EHD4: variants seen among roughly 807,000 people sequenced by gnomAD.
EHD4 encodes the protein EH domain-containing protein 4.
In EHD4, 37 loss-of-function variants were observed where a neutral mutation model predicts 51.0. The observed-to-expected ratio is 0.73, with a 90% CI of 0.56 to 0.95. EHD4 has a LOEUF of 0.95. Ranked by LOEUF, EHD4 falls within the 40% of genes least tolerant of loss-of-function variation. The probability of loss-of-function intolerance (pLI) is 0.00; values close to 1 mark genes in which losing one functional copy is unlikely to be tolerated. For synonymous variants in EHD4, 297 were observed against 317.3 expected (o/e 0.94, Z 0.68); for missense variants, 632 against 733.1 (o/e 0.86, Z 1.59).
At chr15:41,913,102 C>T (rs768125877) in intron 4 of EHD4, among the ~76,000 whole-genome samples, 5 of 152,168 alleles carry the variant, frequency 3.3e-5, no homozygotes, top group African/African-American at 9.7e-5. Flanking sequence ...ACATCAAACA[C>T]GGACACAATG....
intron 2 of EHD4, among the ~76,000 whole-genome samples, chr15:41,945,683 C>T (rs753121109): frequency 6.6e-5 from 10 of 152,350 alleles, no homozygotes; most frequent in Admixed American, 1.3e-4. Context: ...GTGACAACTG[C>T]ATATGAATGC....
At chr15:41,930,510 T>G (rs765964187) in intron 3 of EHD4, among the ~76,000 whole-genome samples, 11 of 152,214 alleles carry the variant, frequency 7.2e-5, no homozygotes, top group Non-Finnish European at 1.6e-4. Context: ...TTCTTCAGGC[T>G]ACAGTTTTCT....
intron 1 of EHD4, among the ~76,000 whole-genome samples, chr15:41,956,267 G>C (rs143524677): frequency 2.6e-5 from 4 of 152,182 alleles, no homozygotes; most frequent in African/African-American, 9.6e-5. Flanking sequence ...CTCCACCTTG[G>C]GTGGCTCGCG....
At chr15:41,917,213 T>C (rs1417428705) in intron 4 of EHD4, among the ~76,000 whole-genome samples, 4 of 152,016 alleles carry the variant, frequency 2.6e-5, no homozygotes, top group Non-Finnish European at 4.4e-5. Context: ...CTCCACCTCC[T>C]GGGTTCAAGC....
intron 2 of EHD4, among the ~76,000 whole-genome samples, chr15:41,947,443 G>C (rs766474047): frequency 6.6e-6 from 1 of 152,164 alleles, no homozygotes; most frequent in African/African-American, 2.4e-5. Flanking sequence ...CGGACTTCCA[G>C]GTTTGCCATT....
intron 1 of EHD4, among the ~76,000 whole-genome samples, chr15:41,956,637 C>CT (rs2067890233): frequency 1.3e-5 from 2 of 152,306 alleles, no homozygotes; most frequent in South Asian, 4.2e-4. Context: ...CTGGACAGAC[C>CT]TTTAACAATA....
intron 3 of EHD4, among the ~76,000 whole-genome samples, chr15:41,934,482 T>C (rs2067719138): frequency 1.3e-5 from 2 of 151,994 alleles, no homozygotes; most frequent in East Asian, 1.9e-4. Context: ...ACCCAACTAA[T>C]TTATTTTATT....
Position 41,930,250 on chromosome 15 carries a change from C to A in EHD4, c.512-10628G>T, listed in dbSNP as rs545089818. On this transcript the variant is annotated intron_variant, in intron 3 of 5. Transcript: ENST00000220325. ...GAACAGATCCAGGAATCCCGTGTCA[C>A]GCACATGGAAATTGTCCATTCCTCA... 2.0e-5 allele frequency among the ~76,000 whole-genome samples: 3 copies of A among 152,304 alleles called. No homozygotes were observed. In the East Asian group the frequency reaches 5.8e-4, roughly 29 times the overall value.
rs1010803265 is a variant in EHD4 at position 41,972,243 on chromosome 15, G to C, written c.236+16C>G. ...GCGGAGCGGGGCGGGAGCCGGGCGA[G>C]GGGCGGTGACGGTACCTGATGAAGG... is the stretch of plus-strand genomic sequence containing the variant. On this transcript the variant is annotated intron_variant, in intron 1 of 5. Transcript: ENST00000220325. 2.6e-6 allele frequency: 4 copies of C among 1,530,136 alleles called. No homozygotes were observed. The highest frequency in any genetic ancestry group is 1.4e-5 in the African/African-American group (1 of 70,034). 94.8% of individuals were successfully genotyped at this position (1,530,136 alleles called of 1,614,324 possible). A position where few individuals can be genotyped will look rare whatever the true frequency, so the allele number is the denominator to read the frequency against.
chr15:41,937,605 T>C (rs1335395386), intron 3 of EHD4, among the ~76,000 whole-genome samples: 2 of 152,210 alleles, frequency 1.3e-5, no homozygotes, highest in Non-Finnish European at 2.9e-5. Context: ...ATGTGTGTGT[T>C]TTCCTCTCAA....
intron 3 of EHD4, among the ~76,000 whole-genome samples, chr15:41,927,534 C>T (rs929848376): frequency 2.0e-5 from 3 of 152,164 alleles, no homozygotes; most frequent in African/African-American, 7.2e-5. Flanking sequence ...CTGCAATATG[C>T]AACAACATGG....
chr15:41,918,666 G>A (rs199870974), intron 4 of EHD4, among the ~76,000 whole-genome samples: 2 of 152,162 alleles, frequency 1.3e-5, no homozygotes, highest in East Asian at 3.9e-4. Context: ...GAATGAGGAT[G>A]CGGGGGTGAC....
intron 2 of EHD4, among the ~76,000 whole-genome samples, chr15:41,952,223 G>A (rs778309376): frequency 5.9e-5 from 9 of 152,178 alleles, no homozygotes; most frequent in South Asian, 2.1e-4. Flanking sequence ...GAGGCGCTTC[G>A]GCCTTTGGGA....
At chr15:41,937,752 TC>T (rs2067741954) in intron 3 of EHD4, among the ~76,000 whole-genome samples, 1 of 152,196 alleles carries the variant, frequency 6.6e-6, no homozygotes, top group Non-Finnish European at 1.5e-5. Context: ...CATTTGTACT[TC>T]CCTGATTGTG....
intron 3 of EHD4, among the ~76,000 whole-genome samples, chr15:41,931,294 T>G (rs1326880952): frequency 6.6e-6 from 1 of 152,210 alleles, no homozygotes; most frequent in Admixed American, 6.5e-5. Context: ...GGTGAATCAC[T>G]TGAGCCTAGG....
chr15:41,914,363 A>T, intron 4 of EHD4, among the ~76,000 whole-genome samples: 1 of 152,138 alleles, frequency 6.6e-6, no homozygotes. Flanking sequence ...AAGTGGGTTT[A>T]TGATAATATA....
At chr15:41,970,848 C>T (rs1439691107) in intron 1 of EHD4, among the ~76,000 whole-genome samples, 1 of 152,218 alleles carries the variant, frequency 6.6e-6, no homozygotes, top group Non-Finnish European at 1.5e-5. Flanking sequence ...ACTTTATTAT[C>T]CCTAGTACCT....
At position 41,936,520 on chromosome 15, in the gene EHD4, T is replaced by C. The variant is rs137949980; in HGVS notation, c.511+6547A>G. On this transcript the variant is annotated intron_variant, in intron 3 of 5. Coordinates refer to ENST00000220325, the MANE Select transcript of EHD4 (RefSeq NM_139265.4). Reference sequence around the variant, plus strand: ...TCTCTGATTAATCTCTGTATCCCAATGTCTGAGATATCCCGTGAAATGTTT... The same window carrying C: ...TCTCTGATTAATCTCTGTATCCCAACGTCTGAGATATCCCGTGAAATGTTT... 3.9e-5 allele frequency among the ~76,000 whole-genome samples: 6 copies of C among 152,360 alleles called. No homozygotes were observed. The East Asian group carries it at 1.2e-3, about 29-fold the overall frequency.
chr15:41,914,256 T>G (rs1297155284), intron 4 of EHD4, among the ~76,000 whole-genome samples: 2 of 152,222 alleles, frequency 1.3e-5, no homozygotes, highest in African/African-American at 4.8e-5. Flanking sequence ...CACGCTCATC[T>G]GCAAACTTAA....
Sources: allele counts gnomAD v4.1 joint callset (sites outside exome capture counted in the v4.1 genomes callset), GRCh38; gene constraint gnomAD v4.1.1; transcripts MANE v1.5; gene names NCBI Gene and HGNC (gene_info 2026-07-23, HGNC 2026-07-21).